Variants in MTOR observed in about 807,000 individuals in gnomAD.
The protein encoded by MTOR is serine/threonine-protein kinase mTOR.
MTOR carries 70 observed loss-of-function variants against 319.8 expected under a neutral mutation model. The observed-to-expected ratio is 0.22, with a 90% CI of 0.18 to 0.27. The LOEUF (loss-of-function observed/expected upper bound fraction) is 0.27. Among genes scored for constraint, MTOR ranks in the 10% least tolerant of loss-of-function variants. MTOR has a pLI of 1.00. For missense variants in MTOR, 1,890 were observed against 3,274.4 expected, an observed-to-expected ratio of 0.58 and a Z score of 10.32; for synonymous variants, 1,183 against 1,211.4, an observed-to-expected ratio of 0.98 and a Z score of 0.49.
intron 28 of MTOR, chr1:11,195,337 G>T (rs1295665895): frequency 4.6e-5 from 12 of 261,000 alleles, no homozygotes; most frequent in South Asian, 2.0e-4. Flanking sequence ...GTCTGTGAAA[G>T]AAAATAATTT....
chr1:11,223,019 G>A (rs1054080001), intron 19 of MTOR, among the ~76,000 whole-genome samples: 1 of 152,084 alleles, frequency 6.6e-6, no homozygotes, highest in African/African-American at 2.4e-5. Flanking sequence ...AATCTATGAA[G>A]TATCTCTTGT....
Position 11,127,385 on chromosome 1 carries a change from T to C in MTOR, c.6216+239A>G, listed in dbSNP as rs1025289770. 3.9e-5 allele frequency among the ~76,000 whole-genome samples: 6 copies of C among 152,198 alleles called. No homozygotes were observed. Among genetic ancestry groups the C allele is most frequent in the Non-Finnish European group, 5.9e-5 (4 of 68,032 alleles). On this transcript the variant is annotated intron_variant, in intron 44 of 57. Coordinates refer to ENST00000361445, the MANE Select transcript of MTOR (RefSeq NM_004958.4). The surrounding 1 kb of genome is among the most constrained non-coding windows in gnomAD (Gnocchi z 5.5). ...AGACGAGATGACCTCTTGAGAAATC[T>C]TGGGCTTTTCCAGTTAAAATTCAGA...
Position 11,262,119 on chromosome 1 carries a change from T to G in MTOR, c.-15+326A>C, listed in dbSNP as rs115608362. On this transcript the variant is annotated intron_variant, in intron 1 of 57. Coordinates refer to ENST00000361445, the MANE Select transcript of MTOR (RefSeq NM_004958.4). ...ACGCTAGTGTTCCCTGGGGCAGAGA[T>G]ACACAATTTTTATACGTGGCTCAAA... Among the ~76,000 whole-genome samples, 225 of 152,250 alleles carry G rather than the reference T, an allele frequency of 1.5e-3. 2 individuals are homozygous for G. The highest frequency in any genetic ancestry group is 5.3e-3 in the African/African-American group (221 of 41,556).
chr1:11,110,535 T>C (rs984999911), intron 54 of MTOR, among the ~76,000 whole-genome samples: 2 of 152,034 alleles, frequency 1.3e-5, no homozygotes, highest in Non-Finnish European at 2.9e-5. Context: ...TAGCTGGGAT[T>C]ACAGGCATGC....
Position 11,224,038 on chromosome 1 carries a change from C to CAAAATAAAATAAAAT in MTOR, c.3030+4615_3030+4629dup, listed in dbSNP as rs370686856. On this transcript the variant is annotated intron_variant, in intron 19 of 57. Transcript: ENST00000361445. ...TGGCAACAAGAGCGATACTCCGTCT[C>CAAAATAAAATAAAAT]AAAATAAAATAAAATAAAATAAAAT... 3.2e-3 allele frequency among the ~76,000 whole-genome samples: 455 copies of CAAAATAAAATAAAAT among 143,362 alleles called. 4 individuals carry two copies. Among genetic ancestry groups the CAAAATAAAATAAAAT allele is most frequent in the East Asian group, 0.012 (58 of 5,002 alleles). The allele number at this position is 143,362 out of a possible 152,430, so 94.1% of individuals were successfully genotyped here.
In MTOR at chr1:11,164,881, C is replaced by T. The variant is rs540440911; in HGVS notation, c.4329+2561G>A. 8.4e-4 allele frequency among the ~76,000 whole-genome samples: 128 copies of T among 152,288 alleles called. 1 individual carries two copies. In the Middle Eastern group the frequency reaches 0.048, roughly 57 times the overall value. ...TACTGGCAAACTGAATCCAGCAGCA[C>T]ATCAAAAAGCTTATCAACCATGATC... On this transcript the variant is annotated intron_variant, in intron 29 of 57. Coordinates refer to ENST00000361445, the MANE Select transcript of MTOR (RefSeq NM_004958.4).
Position 11,204,638 on chromosome 1 carries a change from C to A in MTOR, c.3867G>T (p.Leu1289=), listed in dbSNP as rs1470644295. Residue 1289 remains leucine (L), a synonymous_variant, in exon 26 of 58, where the codon CTG becomes CTT. Coordinates refer to ENST00000361445, the MANE Select transcript of MTOR (RefSeq NM_004958.4). ...GCGATGATGAGTCCTTCAGCAGCTCCAGGCTCAGCCGTCTCAGCCATTCCA... is the reference window on the plus strand; with the variant it reads ...GCGATGATGAGTCCTTCAGCAGCTCAAGGCTCAGCCGTCTCAGCCATTCCA... ...DWLEWLRRLS[L]ELLKDSSSPS... 6.2e-7 allele frequency: 1 copy of A among 1,614,222 alleles called. No individual in the cohort carries two copies.
chr1:11,204,128 C>G (rs957536518), intron 26 of MTOR, among the ~76,000 whole-genome samples: 1 of 152,196 alleles, frequency 6.6e-6, no homozygotes, highest in African/African-American at 2.4e-5. Context: ...CCACTGACAC[C>G]ATGTGGAGCA....
chr1:11,258,649 G>T, intron 2 of MTOR, 56 bp from the exon 3 acceptor site: 1 of 1,364,130 alleles, frequency 7.3e-7, no homozygotes, highest in Non-Finnish European at 1.0e-6. Flanking sequence ...CTGTGGTGGT[G>T]GGAGTGGGCT....
intron 19 of MTOR, among the ~76,000 whole-genome samples, chr1:11,224,270 A>G (rs191082251): frequency 2.2e-4 from 34 of 152,194 alleles, no homozygotes; most frequent in Admixed American, 2.2e-3. Flanking sequence ...CCTCCAAAAA[A>G]AAGCTGGTAC....
chr1:11,225,841 T>C (rs563950738), intron 19 of MTOR, among the ~76,000 whole-genome samples: 3 of 152,296 alleles, frequency 2.0e-5, no homozygotes, highest in Admixed American at 6.5e-5. Context: ...GAGAACAGTG[T>C]GAACAATTTC....
chr1:11,234,038 C>T (rs1166005698), intron 14 of MTOR, 105 bp downstream of exon 14: 1 of 1,531,270 alleles, frequency 6.5e-7, no homozygotes, highest in African/African-American at 1.4e-5. Flanking sequence ...GCAAAGAAAT[C>T]ACCTACTTTG....
intron 50 of MTOR, among the ~76,000 whole-genome samples, chr1:11,116,779 G>A (rs1407951778): frequency 1.3e-5 from 2 of 152,162 alleles, no homozygotes; most frequent in African/African-American, 4.8e-5. Context: ...ATGAGCCACT[G>A]CACCCAGCTT....
chr1:11,132,027 G>A (rs1427462540), intron 38 of MTOR: 3 of 152,190 alleles, frequency 2.0e-5, no homozygotes, highest in Non-Finnish European at 4.4e-5. Context: ...CTGGGGTCAA[G>A]GTGAACAAGA....
At chr1:11,130,364 A>G (rs1643075287) in intron 39 of MTOR, among the ~76,000 whole-genome samples, 165 bp downstream of exon 39, 1 of 152,234 alleles carries the variant, frequency 6.6e-6, no homozygotes, top group African/African-American at 2.4e-5. Flanking sequence ...ATTCACACAC[A>G]AAGCCCTATC....
At position 11,120,069 on chromosome 1, in the gene MTOR, T is replaced by TTA. The variant is rs919746331; in HGVS notation, c.6933+1175_6933+1176dup. ...TGTCTCTAAAAAAAAAAAAAAAAAT[T>TTA]TATATATATATATATAAAATTGCTT... On this transcript the variant is annotated intron_variant, in intron 49 of 57. Coordinates refer to ENST00000361445, the MANE Select transcript of MTOR (RefSeq NM_004958.4). Among the ~76,000 whole-genome samples the TTA allele has an allele frequency of 2.7e-3, 399 of 147,374 alleles. 4 individuals are homozygous for TTA. Among genetic ancestry groups the TTA allele is most frequent in the African/African-American group, 7.3e-3 (295 of 40,168 alleles).
At chr1:11,203,069 C>T (rs1246601753) in intron 26 of MTOR, among the ~76,000 whole-genome samples, 1 of 150,484 alleles carries the variant, frequency 6.6e-6, no homozygotes, top group Admixed American at 6.6e-5. Flanking sequence ...AAAAAATAGC[C>T]GGGCGTGGTG....
chr1:11,164,248 T>C (rs546907178), intron 29 of MTOR, among the ~76,000 whole-genome samples: 4 of 148,138 alleles, frequency 2.7e-5, no homozygotes, highest in East Asian at 2.0e-4. Context: ...GGCAGGAGAA[T>C]TGCATGAACC....
intron 28 of MTOR, among the ~76,000 whole-genome samples, chr1:11,178,607 G>A (rs1158271916): frequency 6.6e-6 from 1 of 152,166 alleles, no homozygotes; most frequent in African/African-American, 2.4e-5. Context: ...CTTTTCTTGT[G>A]ATGCCTGCAG....
Sources: gnomAD v4.1 joint callset for allele counts (sites outside exome capture counted in the v4.1 genomes callset) on GRCh38, gnomAD v4.1.1 for gene constraint, Gnocchi (gnomAD v3.1) non-coding constraint, MANE v1.5 for transcripts, NCBI Gene and HGNC (gene_info 2026-07-23, HGNC 2026-07-21) for gene names.